PPL: variants seen among roughly 807,000 people sequenced by gnomAD.
The protein encoded by PPL is periplakin, also known as 190 kDa paraneoplastic pemphigus antigen.
Under a neutral mutation model 194.4 loss-of-function variants are expected in PPL, and 198 were observed. That is an observed-to-expected ratio of 1.02 (90% CI 0.91 to 1.15). The LOEUF is 1.15. Ranked by LOEUF, PPL falls within the 50% of genes most tolerant of loss-of-function variation. The pLI is 0.00. For synonymous variants in PPL, 1,220 were observed against 972.4 expected (o/e 1.25, Z -4.74); for missense variants, 2,885 against 2,294.8 (o/e 1.26, Z -5.25).
At chr16:4,893,795 G>A (rs764421607) in intron 12 of PPL, 157 bp from the exon 13 acceptor site, 26 of 613,098 alleles carry the variant, frequency 4.2e-5, no homozygotes, top group Middle Eastern at 4.3e-4. Context: ...TGGCCTTTCT[G>A]TGCTCCTGGG....
At chr16:4,921,447 C>A (rs1176700423) in intron 1 of PPL, among the ~76,000 whole-genome samples, 1 of 152,124 alleles carries the variant, frequency 6.6e-6, no homozygotes, top group African/African-American at 2.4e-5. Flanking sequence ...GAGTCAGAGC[C>A]TCAGTAGACA....
intron 1 of PPL, among the ~76,000 whole-genome samples, chr16:4,918,959 C>A (rs566345615): frequency 6.6e-6 from 1 of 152,252 alleles, no homozygotes; most frequent in East Asian, 1.9e-4. Context: ...ACGTGGCACC[C>A]CTGGGCCATC....
In PPL at chr16:4,902,531, T is replaced by C. The variant is rs778699323; in HGVS notation, c.318-5A>G. 3.7e-6 allele frequency: 6 copies of C among 1,612,828 alleles called. No homozygotes were observed. In the South Asian group the frequency reaches 5.5e-5, roughly 15 times the overall value. On this transcript the variant is annotated splice_region_variant and splice_polypyrimidine_tract_variant and intron_variant, in intron 3 of 21. Coordinates refer to ENST00000345988, the MANE Select transcript of PPL (RefSeq NM_002705.5). This position sits in a 1 kb window ranked among gnomAD's most constrained non-coding sequence, Gnocchi z 4.0. ...CGCTCCTTCAGCTGGCGGATACTGA[T>C]GGGAGAGAGGCTCCCACTTAGTGGG...
At chr16:4,917,591 A>G (rs929889605) in intron 1 of PPL, among the ~76,000 whole-genome samples, 1 of 152,100 alleles carries the variant, frequency 6.6e-6, no homozygotes, top group Admixed American at 6.6e-5. Flanking sequence ...ATGGCTGTAC[A>G]ACTCTGTGAC....
At position 4,894,545 on chromosome 16, in the gene PPL, G is replaced by T; in HGVS notation, c.1316C>A (p.Ala439Asp). The part of the protein sequence containing the change: ...NGESWELMDS[A>D]GNKLIAPAVC... ...GGCCGGAGCAATCAGCTTGTTCCCAGCGCTGTCCATGAGCTCCCAGCTCTC... is the reference window on the plus strand; with the variant it reads ...GGCCGGAGCAATCAGCTTGTTCCCATCGCTGTCCATGAGCTCCCAGCTCTC... The change falls in exon 12 of 22, where the codon GCT (alanine) becomes GAT (aspartate). Residue 439 changes from alanine to aspartate, a missense_variant. Ala to Asp is a moderately radical substitution (Grantham distance 126, BLOSUM62 -2). Coordinates refer to ENST00000345988, the MANE Select transcript of PPL (RefSeq NM_002705.5). 1 of 1,613,898 alleles carries T rather than the reference G, an allele frequency of 6.2e-7. No homozygotes were observed.
At chr16:4,886,224 G>GT (rs113575105) in intron 21 of PPL, among the ~76,000 whole-genome samples, 177 bp from the exon 22 acceptor site, 24,913 of 151,870 alleles carry the variant, frequency 0.16, 3,683 homozygotes, top group African/African-American at 0.4. Context: ...ACTAGTTTGG[G>GT]GTTTTTTTTA....
At chr16:4,914,202 G>T (rs908696731) in intron 1 of PPL, among the ~76,000 whole-genome samples, 1 of 152,210 alleles carries the variant, frequency 6.6e-6, no homozygotes, top group African/African-American at 2.4e-5. Flanking sequence ...GACCGTCAAG[G>T]CAGAGGGGAC....
At chr16:4,911,608 C>T (rs925092566) in intron 1 of PPL, among the ~76,000 whole-genome samples, 2 of 152,206 alleles carry the variant, frequency 1.3e-5, no homozygotes, top group African/African-American at 4.8e-5. Context: ...AGTCATGGCT[C>T]ACTGCAGCCT....
rs958895700 is a variant in PPL at position 4,884,124 on chromosome 16, C to T, written c.4531G>A (p.Asp1511Asn). 1.2e-5 allele frequency: 20 copies of T among 1,613,266 alleles called. No individual in the cohort carries two copies. Among genetic ancestry groups the T allele is most frequent in the Middle Eastern group, 1.6e-4 (1 of 6,084 alleles). The change falls in exon 22 of 22, where the codon GAC becomes AAC. Residue 1511 changes from aspartate (D) to asparagine (N), a missense_variant. Asp to Asn is a conservative substitution (Grantham distance 23). Transcript: ENST00000345988. This position sits in a 1 kb window ranked among gnomAD's most constrained non-coding sequence, Gnocchi z 5.7. ...LSESVQVEKGDTEQEIQRLKS... is the reference protein window; with the variant it reads ...LSESVQVEKGNTEQEIQRLKS... ...AGCCTCTGGATCTCTTGCTCGGTGT[C>T]GCCCTTCTCCACCTGGACACTCTCG...
At chr16:4,915,855 A>G (rs1183849070) in intron 1 of PPL, among the ~76,000 whole-genome samples, 1 of 152,146 alleles carries the variant, frequency 6.6e-6, no homozygotes, top group African/African-American at 2.4e-5. Flanking sequence ...GAGGTTAAAT[A>G]ACTCTCCCAA....
In PPL at chr16:4,902,516, G is replaced by C; in HGVS notation, c.328C>G (p.Leu110Val). 2 of 1,613,482 alleles carry C rather than the reference G, an allele frequency of 1.2e-6. No homozygotes were observed. Among genetic ancestry groups the C allele is most frequent in the Non-Finnish European group, 1.7e-6 (2 of 1,179,712 alleles). ...CGCAGGTTGGTCACACGCTCCTTCAGCTGGCGGATACTGATGGGAGAGAGG... is the reference window on the plus strand; with the variant it reads ...CGCAGGTTGGTCACACGCTCCTTCACCTGGCGGATACTGATGGGAGAGAGG... ...GDMIAEDIRQ[L>V]KERVTNLRGK... Residue 110 changes from leucine (L) to valine (V), a missense_variant, in exon 4 of 22, where the codon CTG becomes GTG. Leu to Val is a conservative substitution (Grantham distance 32). Transcript: ENST00000345988. The surrounding 1 kb of genome is among the most constrained non-coding windows in gnomAD (Gnocchi z 4.0).
intron 1 of PPL, among the ~76,000 whole-genome samples, chr16:4,923,107 G>C (rs150886692): frequency 6.6e-6 from 1 of 152,124 alleles, no homozygotes; most frequent in East Asian, 1.9e-4. Flanking sequence ...ACGTTCTTCC[G>C]TCCGCATAAG....
intron 1 of PPL, among the ~76,000 whole-genome samples, chr16:4,922,491 G>A (rs1257675142): frequency 1.3e-5 from 2 of 152,120 alleles, no homozygotes; most frequent in Admixed American, 6.6e-5. Context: ...GTGAAACCCT[G>A]TCTCTACTAA....
chr16:4,923,175 C>T (rs1279383922), intron 1 of PPL, among the ~76,000 whole-genome samples: 1 of 152,178 alleles, frequency 6.6e-6, no homozygotes, highest in Non-Finnish European at 1.5e-5. Context: ...GCCAACAGAT[C>T]CCTGAGACCT....
At chr16:4,933,476 G>A (rs1029727314) in intron 1 of PPL, among the ~76,000 whole-genome samples, 1 of 152,136 alleles carries the variant, frequency 6.6e-6, no homozygotes, top group Admixed American at 6.6e-5. Context: ...TGACTGCAGA[G>A]CTGGGTCTTG....
At chr16:4,916,123 T>A (rs2088912173) in intron 1 of PPL, among the ~76,000 whole-genome samples, 2 of 152,180 alleles carry the variant, frequency 1.3e-5, no homozygotes, top group African/African-American at 4.8e-5. Flanking sequence ...TGGTGTACAG[T>A]TGTGGAAAAC....
Position 4,893,267 on chromosome 16 carries a change from T to G in PPL, c.1596A>C (p.Pro532=). 6.3e-7 allele frequency: 1 copy of G among 1,598,098 alleles called. No homozygotes were observed. Among genetic ancestry groups the G allele is most frequent in the Non-Finnish European group, 8.5e-7 (1 of 1,175,474 alleles). Residue 532 remains proline (P), a synonymous_variant, in exon 14 of 22, where the codon CCA becomes CCC. Coordinates refer to ENST00000345988, the MANE Select transcript of PPL (RefSeq NM_002705.5). The part of the protein sequence containing the change: ...EKAITGILRP[P]LEQGRAVQDS... The stretch of plus-strand genomic sequence containing the variant: ...CCTGCACAGCCCGGCCTTGCTCCAG[T>G]GGTGGCCGCAGGATCCCTGTGATGG...
intron 2 of PPL, among the ~76,000 whole-genome samples, chr16:4,906,269 G>A (rs925948941): frequency 2.6e-5 from 4 of 152,142 alleles, no homozygotes; most frequent in African/African-American, 9.7e-5. Flanking sequence ...CTGTTGCCCA[G>A]GCTGGAGTGC....
chr16:4,902,069 G>C lies in PPL; in HGVS notation c.438+337C>G, dbSNP rs1348187504. On this transcript the variant is annotated intron_variant, in intron 4 of 21. Coordinates refer to ENST00000345988, the MANE Select transcript of PPL (RefSeq NM_002705.5). The surrounding 1 kb of genome is among the most constrained non-coding windows in gnomAD (Gnocchi z 4.0). Reference sequence around the variant, plus strand: ...TGAGCACCCAGGAAAGGGAGCGACAGGCCAGAAGCCTGGCCGCTTCCGCCC... The same window carrying C: ...TGAGCACCCAGGAAAGGGAGCGACACGCCAGAAGCCTGGCCGCTTCCGCCC... Among the ~76,000 whole-genome samples, 1 of 152,248 alleles carries C rather than the reference G, an allele frequency of 6.6e-6. No homozygotes were observed. Among genetic ancestry groups the C allele is most frequent in the Admixed American group, 6.5e-5 (1 of 15,288 alleles).
Sources: gnomAD v4.1 joint callset for allele counts (sites outside exome capture counted in the v4.1 genomes callset) on GRCh38, gnomAD v4.1.1 for gene constraint, Gnocchi (gnomAD v3.1) non-coding constraint, MANE v1.5 for transcripts, NCBI Gene and HGNC (gene_info 2026-07-23, HGNC 2026-07-21) for gene names.